Variants in CHRM3 observed in about 807,000 individuals in gnomAD.
The protein encoded by CHRM3 is muscarinic acetylcholine receptor M3.
Under a neutral mutation model 41.8 loss-of-function variants are expected in CHRM3, and 11 were observed. The observed-to-expected ratio is 0.26, with a 90% CI of 0.17 to 0.44. CHRM3 has a LOEUF of 0.44. Ranked by LOEUF, CHRM3 falls within the 20% of genes least tolerant of loss-of-function variation. The pLI is 1.00. For synonymous variants in CHRM3, 297 were observed against 301.4 expected, an observed-to-expected ratio of 0.99 and a Z score of 0.15; for missense variants, 571 against 745.4, an observed-to-expected ratio of 0.77 and a Z score of 2.72.
intron 5 of CHRM3, among the ~76,000 whole-genome samples, chr1:239,684,404 G>A (rs1002633086): frequency 1.2e-4 from 18 of 152,010 alleles, no homozygotes; most frequent in African/African-American, 4.3e-4. Flanking sequence ...AAGAAAGGAA[G>A]GTGTATGGGC....
At chr1:239,829,783 C>T (rs514050) in intron 6 of CHRM3, among the ~76,000 whole-genome samples, 115,083 of 151,974 alleles carry the variant, frequency 0.76, 45,841 homozygotes, top group East Asian at 0.99. Context: ...CTCAATTTCC[C>T]TATCTCTAAA....
At chr1:239,791,356 T>A (rs931613241) in intron 5 of CHRM3, among the ~76,000 whole-genome samples, 1 of 152,176 alleles carries the variant, frequency 6.6e-6, no homozygotes, top group Non-Finnish European at 1.5e-5. Flanking sequence ...CCAACCTTCT[T>A]GGCCTCCCAA....
intron 1 of CHRM3, among the ~76,000 whole-genome samples, chr1:239,402,474 A>G (rs2102986017): frequency 6.6e-6 from 1 of 152,278 alleles, no homozygotes; most frequent in East Asian, 1.9e-4. Flanking sequence ...ACGGTTCTGT[A>G]ACAAGACCTA....
At chr1:239,841,438 C>T (rs750762075) in intron 6 of CHRM3, among the ~76,000 whole-genome samples, 2 of 152,190 alleles carry the variant, frequency 1.3e-5, no homozygotes, top group East Asian at 1.9e-4. Context: ...TGTGCAGATT[C>T]GCAACTTTCA....
At chr1:239,676,005 T>G (rs1867266) in intron 4 of CHRM3, among the ~76,000 whole-genome samples, 8,248 of 152,104 alleles carry the variant, frequency 0.054, 338 homozygotes, top group South Asian at 0.17. Context: ...AGAGAGAAGG[T>G]TTCTTCCTTT....
At chr1:239,863,342 G>A (rs142680917) in intron 6 of CHRM3, among the ~76,000 whole-genome samples, 6 of 152,292 alleles carry the variant, frequency 3.9e-5, no homozygotes, top group Admixed American at 6.5e-5. Flanking sequence ...CAACAGTGAC[G>A]CAGCCGTCAC....
intron 1 of CHRM3, among the ~76,000 whole-genome samples, chr1:239,469,233 A>C (rs917794210): frequency 3.3e-5 from 5 of 152,214 alleles, no homozygotes; most frequent in Non-Finnish European, 5.9e-5. Flanking sequence ...AGTGCTTCGC[A>C]CTTTCCTGTC....
At chr1:239,526,946 C>A (rs754171370) in intron 2 of CHRM3, among the ~76,000 whole-genome samples, 1 of 151,960 alleles carries the variant, frequency 6.6e-6, no homozygotes, top group Non-Finnish European at 1.5e-5. Flanking sequence ...TATAGGGAGA[C>A]CCTGTCTCTA....
At chr1:239,700,889 T>C (rs1414045056) in intron 5 of CHRM3, among the ~76,000 whole-genome samples, 4 of 152,070 alleles carry the variant, frequency 2.6e-5, no homozygotes, top group African/African-American at 9.7e-5. Context: ...TGAATGTGCC[T>C]GATCTCATTT....
chr1:239,786,468 G>T (rs988109116), intron 5 of CHRM3, among the ~76,000 whole-genome samples: 5 of 152,174 alleles, frequency 3.3e-5, no homozygotes, highest in African/African-American at 9.7e-5. Flanking sequence ...ACCGAGAGAG[G>T]GTAAGTCATT....
intron 4 of CHRM3, among the ~76,000 whole-genome samples, chr1:239,662,143 G>GTA (rs1553356680): frequency 1.3e-5 from 2 of 148,560 alleles, no homozygotes; most frequent in East Asian, 3.9e-4. Context: ...GTGTGTGTGT[G>GTA]TATCTTACTG....
chr1:239,546,509 A>G (rs1186609212), intron 3 of CHRM3: 2 of 152,204 alleles, frequency 1.3e-5, no homozygotes, highest in Non-Finnish European at 2.9e-5. Context: ...CTTCCAATTA[A>G]TTAATGCAGT....
chr1:239,815,500 A>G (rs1411049009), intron 5 of CHRM3, among the ~76,000 whole-genome samples: 3 of 152,250 alleles, frequency 2.0e-5, no homozygotes, highest in African/African-American at 7.2e-5. Flanking sequence ...CATGTGAATG[A>G]CATTATGCTT....
At chr1:239,845,061 G>A (rs1674152014) in intron 6 of CHRM3, among the ~76,000 whole-genome samples, 1 of 152,124 alleles carries the variant, frequency 6.6e-6, no homozygotes. Context: ...GTCACAGATG[G>A]GCTGAATGGC....
chr1:239,399,033 T>C (rs539648718), intron 1 of CHRM3, among the ~76,000 whole-genome samples: 1 of 152,278 alleles, frequency 6.6e-6, no homozygotes, highest in Non-Finnish European at 1.5e-5. Flanking sequence ...CAAGGTCTCT[T>C]TGAAGGCCTG....
At chr1:239,746,209 T>C (rs1285574887) in intron 5 of CHRM3, among the ~76,000 whole-genome samples, 1 of 152,240 alleles carries the variant, frequency 6.6e-6, no homozygotes, top group Admixed American at 6.5e-5. Flanking sequence ...CTGTATACCT[T>C]AATGTTTGTT....
chr1:239,435,413 C>T (rs897184297), intron 1 of CHRM3, among the ~76,000 whole-genome samples: 1 of 150,304 alleles, frequency 6.7e-6, no homozygotes, highest in Admixed American at 6.6e-5. Context: ...TGCACCACTG[C>T]ACTCCAGCCT....
chr1:239,682,621 A>G (rs1658678345), intron 5 of CHRM3, among the ~76,000 whole-genome samples: 1 of 151,934 alleles, frequency 6.6e-6, no homozygotes, highest in African/African-American at 2.4e-5. Context: ...CTGACATGCT[A>G]TTGGTTAGGA....
At position 239,494,055 on chromosome 1, in the gene CHRM3, T is replaced by TA. The variant is rs756741438; in HGVS notation, c.-422+1249dup. ...GGCTCTTGGCAACTGTATTTATACTTACTTATATTCATTTTTAATTACATG... is the reference window on the plus strand; with the variant it reads ...GGCTCTTGGCAACTGTATTTATACTTAACTTATATTCATTTTTAATTACATG... On this transcript the variant is annotated intron_variant, in intron 2 of 6. Coordinates refer to ENST00000676153, the MANE Select transcript of CHRM3 (RefSeq NM_001375978.1). Among the ~76,000 whole-genome samples the TA allele has an allele frequency of 1.3e-4, 20 of 152,332 alleles. No homozygotes were observed. In the East Asian group the frequency reaches 3.7e-3, roughly 28 times the overall value.
Sources: allele counts gnomAD v4.1 joint callset (sites outside exome capture counted in the v4.1 genomes callset), GRCh38; gene constraint gnomAD v4.1.1; transcripts MANE v1.5; gene names NCBI Gene and HGNC (gene_info 2026-07-23, HGNC 2026-07-21).